The following PRKCQ variants were observed in gnomAD, a reference collection of about 807,000 sequenced individuals.
PRKCQ encodes the protein protein kinase C theta type.
PRKCQ carries 41 observed loss-of-function variants against 91.2 expected under a neutral mutation model. The observed-to-expected ratio is 0.45, with a 90% CI of 0.35 to 0.58. The LOEUF (loss-of-function observed/expected upper bound fraction) is 0.58. Ranked by LOEUF, PRKCQ falls within the 20% of genes least tolerant of loss-of-function variation. The pLI is 0.00. For missense variants in PRKCQ, 673 were observed against 896.5 expected (o/e 0.75, Z 3.18); for synonymous variants, 307 against 316.9 (o/e 0.97, Z 0.33).
At chr10:6,539,953 C>T (rs1839717988) in intron 1 of PRKCQ, among the ~76,000 whole-genome samples, 1 of 152,156 alleles carries the variant, frequency 6.6e-6, no homozygotes. Context: ...CTGATTCTGC[C>T]CTCTGGTTAC....
intron 12 of PRKCQ, among the ~76,000 whole-genome samples, chr10:6,466,323 C>G (rs1015973050): frequency 1.3e-5 from 2 of 152,210 alleles, no homozygotes; most frequent in African/African-American, 4.8e-5. Flanking sequence ...ATTCTCAGGT[C>G]TGAATCAGAC....
intron 15 of PRKCQ, among the ~76,000 whole-genome samples, chr10:6,455,793 G>C (rs927921001): frequency 6.6e-6 from 1 of 152,210 alleles, no homozygotes; most frequent in African/African-American, 2.4e-5. Context: ...ACCACTGGGG[G>C]AAACTGGATG....
At chr10:6,413,459 G>A in the PRKCQ span, among the ~76,000 whole-genome samples, 507 of 143,816 alleles carry the variant, frequency 3.5e-3, 1 homozygote, top group Middle Eastern at 6.9e-3. Context: ...AGACATGGGA[G>A]GATAAAAAAT....
Position 6,470,055 on chromosome 10 carries a change from T to C in PRKCQ, c.1354-5651A>G, listed in dbSNP as rs933380694. ...GCTTCCATCTTCTGAAAACTCTTTCTGGAAGATTTCTGTATCACCACTGAA... is the reference window on the plus strand; with the variant it reads ...GCTTCCATCTTCTGAAAACTCTTTCCGGAAGATTTCTGTATCACCACTGAA... On this transcript the variant is annotated intron_variant, in intron 12 of 17. Coordinates refer to ENST00000263125, the MANE Select transcript of PRKCQ (RefSeq NM_006257.5). 3.3e-5 allele frequency among the ~76,000 whole-genome samples: 5 copies of C among 152,232 alleles called. No individual in the cohort carries two copies. In the East Asian group the frequency reaches 9.6e-4, roughly 29 times the overall value.
At chr10:6,489,630 C>T (rs571274514) in intron 8 of PRKCQ, 20 of 375,796 alleles carry the variant, frequency 5.3e-5, no homozygotes, top group Admixed American at 3.4e-4. Flanking sequence ...GCGGGGTGAG[C>T]GGAGCAGGCG....
the PRKCQ span, among the ~76,000 whole-genome samples, chr10:6,406,316 CTT>C: frequency 1.0e-4 from 15 of 143,260 alleles, no homozygotes; most frequent in Non-Finnish European, 1.2e-4. Flanking sequence ...AATCAAACTA[CTT>C]TTTTTTTTTT....
chr10:6,437,031 C>T (rs1244909953), intron 16 of PRKCQ, among the ~76,000 whole-genome samples: 1 of 152,188 alleles, frequency 6.6e-6, no homozygotes, highest in African/African-American at 2.4e-5. Flanking sequence ...AGAGCCTCCA[C>T]CTTGGGACTC....
At chr10:6,456,872 T>G in intron 14 of PRKCQ, 60 bp from the exon 15 acceptor site, 3 of 1,578,120 alleles carry the variant, frequency 1.9e-6, no homozygotes, top group Non-Finnish European at 2.6e-6. Flanking sequence ...TAACATAAAA[T>G]TCCATAGGAG....
chr10:6,464,489 T>G, intron 12 of PRKCQ, 85 bp from the exon 13 acceptor site: 2 of 1,218,956 alleles, frequency 1.6e-6, no homozygotes, highest in Non-Finnish European at 2.4e-6. Flanking sequence ...TCACTCTGTC[T>G]CCCAGGCTGG....
intron 1 of PRKCQ, among the ~76,000 whole-genome samples, chr10:6,559,133 C>T (rs546264650): frequency 6.6e-6 from 1 of 152,274 alleles, no homozygotes; most frequent in South Asian, 2.1e-4. Flanking sequence ...AGTTACGTAT[C>T]CTCATTAGGA....
At position 6,430,099 on chromosome 10, in the gene PRKCQ, C is replaced by T. The variant is rs1018433533; in HGVS notation, c.1965+711G>A. Among the ~76,000 whole-genome samples the T allele has an allele frequency of 6.6e-6, 1 of 152,220 alleles. No homozygotes were observed. The highest frequency in any genetic ancestry group is 1.5e-5 in the Non-Finnish European group (1 of 68,038). On this transcript the variant is annotated intron_variant, in intron 17 of 17. Transcript: ENST00000263125. This position sits in a 1 kb window ranked among gnomAD's most constrained non-coding sequence, Gnocchi z 4.7. ...CGAACTCCTGACCTCAGGTGATCCA[C>T]CCGCCTCGGCTTTCCAAAGTGCTGG...
chr10:6,552,078 T>C (rs1840207647), intron 1 of PRKCQ, among the ~76,000 whole-genome samples: 1 of 152,208 alleles, frequency 6.6e-6, no homozygotes, highest in African/African-American at 2.4e-5. Flanking sequence ...TCACTGATAG[T>C]GAACTTTTTT....
downstream of PRKCQ, among the ~76,000 whole-genome samples, chr10:6,426,696 T>TATTA (rs1231258807): frequency 1.3e-5 from 2 of 152,214 alleles, no homozygotes; most frequent in Admixed American, 6.5e-5. Context: ...AGTCTGCTTA[T>TATTA]ATTAATTATT....
chr10:6,497,009 C>G lies in PRKCQ; in HGVS notation c.660+26G>C, dbSNP rs76794000. On this transcript the variant is annotated intron_variant, in intron 7 of 17. Coordinates refer to ENST00000263125, the MANE Select transcript of PRKCQ (RefSeq NM_006257.5). This position sits in a 1 kb window ranked among gnomAD's most constrained non-coding sequence, Gnocchi z 4.5. Reference sequence around the variant, plus strand: ...TAACGTTCTGATAAAAATCACTGCACGTCAAAGAGGAGTGTAAATACTCAC... The same window carrying G: ...TAACGTTCTGATAAAAATCACTGCAGGTCAAAGAGGAGTGTAAATACTCAC... 1.9e-6 allele frequency: 3 copies of G among 1,592,840 alleles called. No homozygotes were observed. The highest frequency in any genetic ancestry group is 2.6e-6 in the Non-Finnish European group (3 of 1,162,604).
chr10:6,478,714 G>A (rs1836409019), intron 12 of PRKCQ, among the ~76,000 whole-genome samples: 1 of 152,212 alleles, frequency 6.6e-6, no homozygotes, highest in South Asian at 2.1e-4. Context: ...GGACTGCTGA[G>A]AAGCCTGGTT....
intron 4 of PRKCQ, among the ~76,000 whole-genome samples, chr10:6,500,077 T>C (rs1236535906): frequency 6.6e-6 from 1 of 152,210 alleles, no homozygotes; most frequent in African/African-American, 2.4e-5. Context: ...AATTTTGGTC[T>C]TTTTACCTGG....
the PRKCQ span, among the ~76,000 whole-genome samples, chr10:6,404,253 G>GAGAGAGAGA: frequency 1.6e-4 from 2 of 12,406 alleles, no homozygotes; most frequent in South Asian, 0.029. Flanking sequence ...GAGAAGGGGG[G>GAGAGAGAGA]GGGAGAGAGA....
intron 1 of PRKCQ, among the ~76,000 whole-genome samples, chr10:6,566,387 C>T (rs946737678): frequency 6.6e-6 from 1 of 152,294 alleles, no homozygotes; most frequent in East Asian, 1.9e-4. Context: ...CTCCAGCTGT[C>T]CAGGTGAAAT....
the PRKCQ span, among the ~76,000 whole-genome samples, chr10:6,401,719 T>C: frequency 6.6e-6 from 1 of 152,214 alleles, no homozygotes; most frequent in Non-Finnish European, 1.5e-5. Context: ...TGCTGGGAGC[T>C]GTTGACCCGC....
Sources: allele counts gnomAD v4.1 joint callset (sites outside exome capture counted in the v4.1 genomes callset), GRCh38; gene constraint gnomAD v4.1.1; non-coding constraint Gnocchi (gnomAD v3.1); transcripts MANE v1.5; gene names NCBI Gene and HGNC (gene_info 2026-07-23, HGNC 2026-07-21).